Variants in PPP1R14C observed in about 807,000 individuals in gnomAD.
The protein encoded by PPP1R14C is protein phosphatase 1 regulatory inhibitor subunit 14C.
In PPP1R14C, 16 loss-of-function variants were observed where a neutral mutation model predicts 20.4. The observed-to-expected ratio is 0.78, with a 90% CI of 0.53 to 1.19. The LOEUF (loss-of-function observed/expected upper bound fraction) is 1.19. Among genes scored for constraint, PPP1R14C ranks in the 50% most tolerant of loss-of-function variants. PPP1R14C has a pLI of 0.00. For missense variants in PPP1R14C, 211 were observed against 220.1 expected (o/e 0.96, Z 0.26); for synonymous variants, 91 against 91.0 (o/e 1.00, Z 0.00).
chr6:150,246,295 C>A (rs1778490366), intron 3 of PPP1R14C, among the ~76,000 whole-genome samples: 1 of 151,624 alleles, frequency 6.6e-6, no homozygotes, highest in Admixed American at 6.6e-5. Flanking sequence ...TGATTTTTGA[C>A]CTTTGCTTTA....
chr6:150,143,534 C>A lies in PPP1R14C; in HGVS notation c.306+36C>A. 7.4e-7 allele frequency: 1 copy of A among 1,360,184 alleles called. No homozygotes were observed. The highest frequency in any genetic ancestry group is 1.3e-5 in the South Asian group (1 of 77,696). The allele number at this position is 1,360,184 out of a possible 1,614,324, so 84.3% of individuals were successfully genotyped here. ...GCGGGGCTGGGAGGGTCGGGGACCTCTCTAGCTCCTCTGTGCCCGCGCAGT... is the reference window on the plus strand; with the variant it reads ...GCGGGGCTGGGAGGGTCGGGGACCTATCTAGCTCCTCTGTGCCCGCGCAGT... On this transcript the variant is annotated intron_variant, in intron 1 of 3. Coordinates refer to ENST00000361131, the MANE Select transcript of PPP1R14C (RefSeq NM_030949.3). This position sits in a 1 kb window ranked among gnomAD's most constrained non-coding sequence, Gnocchi z 5.6.
rs141704498 is a variant in PPP1R14C, at chr6:150,170,415, C to T, written c.306+26917C>T. ...TTGGCTCACTGCAAGCTCTGCCTCC[C>T]AGGTTCACGCCATTCTTCTGCCTCA... On this transcript the variant is annotated intron_variant, in intron 1 of 3. Transcript: ENST00000361131. 6.1e-4 allele frequency among the ~76,000 whole-genome samples: 92 copies of T among 152,046 alleles called. 1 individual carries two copies. The highest frequency in any genetic ancestry group is 2.1e-3 in the African/African-American group (89 of 41,456).
At chr6:150,152,186 A>C (rs909856161) in intron 1 of PPP1R14C, among the ~76,000 whole-genome samples, 13 of 151,914 alleles carry the variant, frequency 8.6e-5, no homozygotes, top group African/African-American at 2.2e-4. Context: ...ATGGGTGCTA[A>C]TTTAATCCTC....
At position 150,186,596 on chromosome 6, in the gene PPP1R14C, G is replaced by A. The variant is rs554062323; in HGVS notation, c.307-28148G>A. ...ACACTGTGTCAGGACCTGGGCTTCC[G>A]GGGCTCCAGAGTGGTTGATAAACAT... On this transcript the variant is annotated intron_variant, in intron 1 of 3. Transcript: ENST00000361131. Among the ~76,000 whole-genome samples the A allele has an allele frequency of 7.2e-5, 11 of 152,258 alleles. No individual in the cohort carries two copies. In the East Asian group the frequency reaches 1.4e-3, roughly 19 times the overall value.
chr6:150,162,345 G>T (rs1040567002), intron 1 of PPP1R14C, among the ~76,000 whole-genome samples: 1 of 152,168 alleles, frequency 6.6e-6, no homozygotes, highest in African/African-American at 2.4e-5. Flanking sequence ...GTGAGCCACC[G>T]TGCCAGGCCA....
chr6:150,173,654 G>A (rs1161328638), intron 1 of PPP1R14C, among the ~76,000 whole-genome samples: 1 of 152,158 alleles, frequency 6.6e-6, no homozygotes, highest in East Asian at 1.9e-4. Flanking sequence ...TAATACCTGA[G>A]GATGCCTGGT....
chr6:150,230,435 A>C (rs942039183), intron 3 of PPP1R14C, among the ~76,000 whole-genome samples: 3 of 152,322 alleles, frequency 2.0e-5, no homozygotes, highest in Admixed American at 6.5e-5. Flanking sequence ...GGGCACAAAG[A>C]GGAGGCAACA....
intron 1 of PPP1R14C, among the ~76,000 whole-genome samples, chr6:150,174,480 T>G (rs1170500661): frequency 6.6e-6 from 1 of 151,798 alleles, no homozygotes. Flanking sequence ...CCTCCCAAAG[T>G]GCTGGGATTA....
At chr6:150,206,668 C>A (rs1562269448) in intron 1 of PPP1R14C, among the ~76,000 whole-genome samples, 3 of 152,192 alleles carry the variant, frequency 2.0e-5, no homozygotes, top group African/African-American at 7.2e-5. Flanking sequence ...CTCCTCTCTG[C>A]CGCAGCTGTC....
intron 3 of PPP1R14C, among the ~76,000 whole-genome samples, chr6:150,225,534 C>T (rs1161719987): frequency 6.6e-6 from 1 of 152,198 alleles, no homozygotes; most frequent in Non-Finnish European, 1.5e-5. Flanking sequence ...TGCTCAGTGA[C>T]CTCACTTCCC....
At chr6:150,176,438 C>T (rs775034449) in intron 1 of PPP1R14C, among the ~76,000 whole-genome samples, 2 of 152,232 alleles carry the variant, frequency 1.3e-5, no homozygotes, top group Non-Finnish European at 2.9e-5. Flanking sequence ...GAACTTTCCC[C>T]TTCATTGTAT....
intron 1 of PPP1R14C, among the ~76,000 whole-genome samples, chr6:150,178,202 G>A (rs11155709): frequency 0.11 from 17,098 of 152,186 alleles, 1,140 homozygotes; most frequent in African/African-American, 0.2. Context: ...CCTCAGCAGG[G>A]TTTACTGTGA....
chr6:150,189,829 T>C (rs2114886542), intron 1 of PPP1R14C, among the ~76,000 whole-genome samples: 1 of 152,276 alleles, frequency 6.6e-6, no homozygotes, highest in Middle Eastern at 3.4e-3. Context: ...CAGCCACAGT[T>C]TGGAATCTTG....
At chr6:150,247,736 A>T (rs985645817) in intron 3 of PPP1R14C, among the ~76,000 whole-genome samples, 3 of 152,180 alleles carry the variant, frequency 2.0e-5, no homozygotes, top group Non-Finnish European at 4.4e-5. Context: ...GATCTACACC[A>T]GTGGTGTGCA....
intron 1 of PPP1R14C, among the ~76,000 whole-genome samples, chr6:150,176,075 TG>T (rs1253188101): frequency 6.6e-6 from 1 of 152,224 alleles, no homozygotes; most frequent in Non-Finnish European, 1.5e-5. Context: ...TTCCCTTTCT[TG>T]GGGGTTATCC....
intron 1 of PPP1R14C, among the ~76,000 whole-genome samples, chr6:150,186,153 T>G (rs1777675020): frequency 6.6e-6 from 1 of 152,170 alleles, no homozygotes; most frequent in African/African-American, 2.4e-5. Flanking sequence ...GGAATGCCCC[T>G]TGCCACATCT....
intron 1 of PPP1R14C, among the ~76,000 whole-genome samples, chr6:150,156,348 A>T (rs901946225): frequency 2.1e-5 from 3 of 140,902 alleles, no homozygotes; most frequent in African/African-American, 7.5e-5. Context: ...TCTAAATACA[A>T]TGTAAAAAAC....
At position 150,143,649 on chromosome 6, in the gene PPP1R14C, C is replaced by T; in HGVS notation, c.306+151C>T. The stretch of plus-strand genomic sequence containing the variant: ...GCGAGGCGCGGCGCCTTCTCTCCCC[C>T]GCGGTGCCCTCTGGCGTCGGGCTCA... On this transcript the variant is annotated intron_variant, in intron 1 of 3. Transcript: ENST00000361131. This position sits in a 1 kb window ranked among gnomAD's most constrained non-coding sequence, Gnocchi z 5.6. The T allele has an allele frequency of 3.2e-6, 2 of 624,466 alleles. No homozygotes were observed. The highest frequency in any genetic ancestry group is 6.6e-5 in the East Asian group (2 of 30,248). 38.7% of individuals were successfully genotyped at this position (624,466 alleles called of 1,614,324 possible).
chr6:150,225,898 A>C (rs1385564229), intron 3 of PPP1R14C, among the ~76,000 whole-genome samples: 1 of 152,222 alleles, frequency 6.6e-6, no homozygotes, highest in Non-Finnish European at 1.5e-5. Flanking sequence ...CAAGAAGTCC[A>C]AGTTTGCCAA....
Sources: allele counts gnomAD v4.1 joint callset (sites outside exome capture counted in the v4.1 genomes callset), GRCh38; gene constraint gnomAD v4.1.1; non-coding constraint Gnocchi (gnomAD v3.1); transcripts MANE v1.5; gene names NCBI Gene and HGNC (gene_info 2026-07-23, HGNC 2026-07-21).